Variants in TPTE2 observed in about 807,000 individuals in gnomAD.
The protein encoded by TPTE2 is transmembrane phosphoinositide 3-phosphatase and tensin homolog 2.
In TPTE2, 53 loss-of-function variants were observed where a neutral mutation model predicts 78.6. The ratio of observed to expected loss-of-function variants is 0.67; its 90% confidence interval spans 0.54 to 0.85. TPTE2 has a LOEUF of 0.85. Ranked by LOEUF, TPTE2 falls within the 40% of genes least tolerant of loss-of-function variation. The probability of loss-of-function intolerance (pLI) is 0.00; values close to 1 mark genes in which losing one functional copy is unlikely to be tolerated. For synonymous variants in TPTE2, 175 were observed against 206.2 expected, an observed-to-expected ratio of 0.85 and a Z score of 1.30; for missense variants, 461 against 623.0, an observed-to-expected ratio of 0.74 and a Z score of 2.77.
intron 1 of TPTE2, among the ~76,000 whole-genome samples, chr13:19,533,439 GTA>G (rs1871004437): frequency 1.3e-5 from 2 of 152,198 alleles, no homozygotes; most frequent in African/African-American, 4.8e-5. Context: ...TAAAGATTAA[GTA>G]TTCTATTTCA....
At chr13:19,480,859 A>C (rs1880304588) in intron 4 of TPTE2, among the ~76,000 whole-genome samples, 1 of 152,194 alleles carries the variant, frequency 6.6e-6, no homozygotes, top group Non-Finnish European at 1.5e-5. Flanking sequence ...TATAACAAGC[A>C]AATAACCAAC....
intron 1 of TPTE2, among the ~76,000 whole-genome samples, chr13:19,534,622 G>A (rs2137754047): frequency 6.6e-6 from 1 of 152,270 alleles, no homozygotes; most frequent in African/African-American, 2.4e-5. Flanking sequence ...ATACTAGTTT[G>A]AGGAAATATT....
In TPTE2 at chr13:19,501,497, G is replaced by A. The variant is rs1241586714; in HGVS notation, c.11+1727C>T. 1.7e-4 allele frequency among the ~76,000 whole-genome samples: 23 copies of A among 136,408 alleles called. 1 individual carries two copies. Among genetic ancestry groups the A allele is most frequent in the Non-Finnish European group, 2.5e-4 (16 of 62,882 alleles). The allele number at this position is 136,408 out of a possible 152,430, so 89.5% of individuals were successfully genotyped here. A position where few individuals can be genotyped will look rare whatever the true frequency, so the allele number is the denominator to read the frequency against. ...GAACAGAGCCGTCAGAAATAATGCC[G>A]CATATCTACAACTATCTGATCTTTG... On this transcript the variant is annotated intron_variant, in intron 1 of 19. Coordinates refer to ENST00000400230, the Ensembl canonical transcript of TPTE2.
intron 1 of TPTE2, among the ~76,000 whole-genome samples, chr13:19,495,218 A>G (rs1593396474): frequency 1.6e-5 from 1 of 63,798 alleles, no homozygotes; most frequent in East Asian, 2.6e-3. Context: ...GGCCTCAAGC[A>G]AGGGCTCCAT....
At chr13:19,542,586 A>G in the TPTE2 span, among the ~76,000 whole-genome samples, 31 of 152,178 alleles carry the variant, frequency 2.0e-4, no homozygotes, top group African/African-American at 5.8e-4. Flanking sequence ...TTCTCTGTTT[A>G]TATTGTGTAA....
chr13:19,489,171 C>T (rs1880832817), intron 3 of TPTE2, among the ~76,000 whole-genome samples: 1 of 152,016 alleles, frequency 6.6e-6, no homozygotes, highest in South Asian at 2.1e-4. Context: ...ACAATAGTAA[C>T]AACAAAGATC....
At chr13:19,511,099 A>G (rs1869404831) in intron 1 of TPTE2, among the ~76,000 whole-genome samples, 2 of 152,200 alleles carry the variant, frequency 1.3e-5, no homozygotes, top group Non-Finnish European at 2.9e-5. Flanking sequence ...ATGGCCCATC[A>G]AGTCCTGTTT....
At chr13:19,548,012 A>G in the TPTE2 span, among the ~76,000 whole-genome samples, 1 of 152,086 alleles carries the variant, frequency 6.6e-6, no homozygotes, top group Non-Finnish European at 1.5e-5. Context: ...AAGAAAACAT[A>G]AGAGATAGTG....
chr13:19,477,539 G>A (rs1880045136), intron 4 of TPTE2, among the ~76,000 whole-genome samples: 1 of 152,200 alleles, frequency 6.6e-6, no homozygotes, highest in Middle Eastern at 3.4e-3. Context: ...CAAAAGAGGT[G>A]AATTCTCTCC....
upstream of TPTE2, among the ~76,000 whole-genome samples, chr13:19,503,679 G>T (rs2137675323): frequency 6.6e-6 from 1 of 152,274 alleles, no homozygotes; most frequent in East Asian, 1.9e-4. Flanking sequence ...CACAAGTAGG[G>T]TAAAGTAACT....
At chr13:19,510,432 AG>A (rs981080017) in intron 1 of TPTE2, among the ~76,000 whole-genome samples, 1 of 146,876 alleles carries the variant, frequency 6.8e-6, no homozygotes, top group Admixed American at 6.6e-5. Flanking sequence ...AGGTGGGGGA[AG>A]CCACTGGTCT....
At chr13:19,516,240 A>C (rs1452894541) in intron 1 of TPTE2, among the ~76,000 whole-genome samples, 11 of 152,222 alleles carry the variant, frequency 7.2e-5, no homozygotes, top group African/African-American at 2.7e-4. Context: ...TCTGCCACAC[A>C]TACAGTTATT....
intron 17 of TPTE2, among the ~76,000 whole-genome samples, chr13:19,429,807 G>A (rs988228213): frequency 2.0e-5 from 3 of 152,170 alleles, no homozygotes; most frequent in Admixed American, 6.5e-5. Flanking sequence ...CTTTCTTACT[G>A]TTTCAGAAAA....
chr13:19,506,991 AG>A (rs1340702866), upstream of TPTE2, among the ~76,000 whole-genome samples: 1 of 152,184 alleles, frequency 6.6e-6, no homozygotes, highest in Non-Finnish European at 1.5e-5. Flanking sequence ...CAAAAAGAAA[AG>A]GATGTTACAT....
At chr13:19,453,059 C>T (rs1878294370) in intron 10 of TPTE2, among the ~76,000 whole-genome samples, 1 of 148,738 alleles carries the variant, frequency 6.7e-6, no homozygotes, top group Non-Finnish European at 1.5e-5. Context: ...TGGAGTTTCA[C>T]TCTTGTTGCC....
In TPTE2 at chr13:19,486,094, G is replaced by C. The variant is rs1880647802; in HGVS notation, c.120-3547C>G. 6.6e-6 allele frequency among the ~76,000 whole-genome samples: 1 copy of C among 151,860 alleles called. No homozygotes were observed. Among genetic ancestry groups the C allele is most frequent in the South Asian group, 2.1e-4 (1 of 4,808 alleles). On this transcript the variant is annotated intron_variant, in intron 3 of 19. Coordinates refer to ENST00000400230, the Ensembl canonical transcript of TPTE2. This position sits in a 1 kb window ranked among gnomAD's most constrained non-coding sequence, Gnocchi z 4.3. ...TTTCTTGCATTTTCACGGTTGCTGT[G>C]TTTCTAAATTGATTTCTATGCATCT... is the stretch of plus-strand genomic sequence containing the variant.
chr13:19,489,025 C>T (rs115117534), intron 3 of TPTE2, among the ~76,000 whole-genome samples: 3,737 of 152,010 alleles, frequency 0.025, 65 homozygotes, highest in Middle Eastern at 0.051. Flanking sequence ...ATTGTTGTGA[C>T]TCAGGGAATA....
chr13:19,499,119 C>T (rs1338598001), intron 1 of TPTE2, among the ~76,000 whole-genome samples: 33 of 152,080 alleles, frequency 2.2e-4, no homozygotes, highest in Admixed American at 5.2e-4. Context: ...TATATATGCA[C>T]CCAATACAGG....
chr13:19,509,576 AAATAG>A (rs1473583444), intron 1 of TPTE2, among the ~76,000 whole-genome samples: 1 of 152,236 alleles, frequency 6.6e-6, no homozygotes, highest in Non-Finnish European at 1.5e-5. Flanking sequence ...ATTTATATAG[AAATAG>A]AATACTCAAG....
Sources: allele counts gnomAD v4.1 joint callset (sites outside exome capture counted in the v4.1 genomes callset), GRCh38; gene constraint gnomAD v4.1.1; non-coding constraint Gnocchi (gnomAD v3.1); transcripts MANE v1.5; gene names NCBI Gene and HGNC (gene_info 2026-07-23, HGNC 2026-07-21).